The following KDM1B variants were observed in gnomAD, a reference collection of about 807,000 sequenced individuals.
KDM1B encodes lysine-specific histone demethylase 2.
Under a neutral mutation model 107.4 loss-of-function variants are expected in KDM1B, and 63 were observed. The ratio of observed to expected loss-of-function variants is 0.59; its 90% CI spans 0.48 to 0.72. The LOEUF (loss-of-function observed/expected upper bound fraction) is 0.72, where lower values mean the gene tolerates loss of function less well. KDM1B is among the 30% of genes least tolerant of loss of function. The pLI, the probability that KDM1B is intolerant of heterozygous loss-of-function variation, is 0.00. For synonymous variants in KDM1B, 363 were observed against 363.9 expected, an observed-to-expected ratio of 1.00 and a Z score of 0.03; for missense variants, 749 against 1,020.8, an observed-to-expected ratio of 0.73 and a Z score of 3.63.
rs1226085558 is a variant in KDM1B, at chr6:18,204,357, G to A, written c.1532-1180G>A. Among the ~76,000 whole-genome samples the A allele has an allele frequency of 6.6e-6, 1 of 152,030 alleles. No individual in the cohort carries two copies. Among genetic ancestry groups the A allele is most frequent in the South Asian group, 2.1e-4 (1 of 4,824 alleles). ...AAATTAGCTGGGCATAGAGGCGGGCGCCTGTAGTCCCAGCTACTTGGGAGG... is the reference window on the plus strand; with the variant it reads ...AAATTAGCTGGGCATAGAGGCGGGCACCTGTAGTCCCAGCTACTTGGGAGG... On this transcript the variant is annotated intron_variant, in intron 14 of 21. Coordinates refer to ENST00000650836, the MANE Select transcript of KDM1B (RefSeq NM_001364614.2). This position sits in a 1 kb window ranked among gnomAD's most constrained non-coding sequence, Gnocchi z 4.9.
intron 3 of KDM1B, 117 bp downstream of exon 3, chr6:18,160,099 G>A: frequency 1.5e-6 from 1 of 645,536 alleles, no homozygotes; most frequent in Non-Finnish European, 2.6e-6. Flanking sequence ...GTATTCTAGG[G>A]GAGAAATTCT....
Position 18,161,410 on chromosome 6 carries a change from C to G in KDM1B, c.171C>G (p.Gly57=). ...AGTACAGGAAATGTGAAAAGGCAGG[C>G]TGTACGGCAACATGTCCTGTGTGCT... is the stretch of plus-strand genomic sequence containing the variant. ...EKKYRKCEKA[G]CTATCPVCFA... The change falls in exon 4 of 22, where the codon GGC becomes GGG. Residue 57 remains glycine (G), a synonymous_variant. Coordinates refer to ENST00000650836, the MANE Select transcript of KDM1B (RefSeq NM_001364614.2). The G allele has an allele frequency of 6.2e-7, 1 of 1,614,038 alleles. No homozygotes were observed. Among genetic ancestry groups the G allele is most frequent in the Non-Finnish European group, 8.5e-7 (1 of 1,179,990 alleles).
intron 5 of KDM1B, among the ~76,000 whole-genome samples, chr6:18,163,970 T>C (rs72839194): frequency 6.6e-5 from 8 of 120,824 alleles, no homozygotes; most frequent in African/African-American, 2.5e-4. Flanking sequence ...TATATATATA[T>C]ATACACACAC....
chr6:18,196,805 T>A (rs532806940), intron 10 of KDM1B, among the ~76,000 whole-genome samples: 1 of 152,318 alleles, frequency 6.6e-6, no homozygotes, highest in South Asian at 2.1e-4. Flanking sequence ...GCGTAGATTA[T>A]ATGTAAATAT....
At chr6:18,174,713 T>G (rs1785882308) in intron 7 of KDM1B, among the ~76,000 whole-genome samples, 1 of 152,102 alleles carries the variant, frequency 6.6e-6, no homozygotes, top group Non-Finnish European at 1.5e-5. Context: ...CATATGGTGT[T>G]TGGTTTTCCA....
intron 2 of KDM1B, among the ~76,000 whole-genome samples, chr6:18,158,814 A>G (rs1219786062): frequency 6.6e-6 from 1 of 152,134 alleles, no homozygotes; most frequent in Non-Finnish European, 1.5e-5. Context: ...TTCTTAATAT[A>G]TGTTTAACCA....
At position 18,223,354 on chromosome 6, in the gene KDM1B, C is replaced by G. The variant is rs945930877; in HGVS notation, c.*1362C>G. On this transcript the variant is annotated 3_prime_UTR_variant, in exon 22 of 22. Coordinates refer to ENST00000650836, the MANE Select transcript of KDM1B (RefSeq NM_001364614.2). ...CCCCACCGCCCGCCCCCCGCCCCCC[C>G]CAATCAAAGTGTGGTCCCAAAACAA... 2 of 137,324 alleles carry G rather than the reference C, an allele frequency of 1.5e-5. No individual in the cohort carries two copies. Among genetic ancestry groups the G allele is most frequent in the Admixed American group, 7.3e-5 (1 of 13,688 alleles). 8.5% of individuals were successfully genotyped at this position (137,324 alleles called of 1,614,324 possible). A position where few individuals can be genotyped will look rare whatever the true frequency, so the allele number is the denominator to read the frequency against.
chr6:18,198,967 G>T (rs1423175097), intron 12 of KDM1B, among the ~76,000 whole-genome samples: 17 of 126,610 alleles, frequency 1.3e-4, no homozygotes, highest in African/African-American at 5.0e-4. Context: ...TCAGGAGTTT[G>T]AGATCAGCCT....
In KDM1B at chr6:18,214,354, T is replaced by C. The variant is rs892833646; in HGVS notation, c.2109+573T>C. Among the ~76,000 whole-genome samples, 8 of 152,240 alleles carry C rather than the reference T, an allele frequency of 5.3e-5. No homozygotes were observed. The South Asian group carries it at 1.7e-3, about 32-fold the overall frequency. ...ATAGGAGCCGAGGGCAGATTTTCTTTACCATTTGAGGTTTTTTTATTTTTC... is the reference window on the plus strand; with the variant it reads ...ATAGGAGCCGAGGGCAGATTTTCTTCACCATTTGAGGTTTTTTTATTTTTC... On this transcript the variant is annotated intron_variant, in intron 19 of 21. Transcript: ENST00000650836. This position sits in a 1 kb window ranked among gnomAD's most constrained non-coding sequence, Gnocchi z 4.4.
At chr6:18,178,620 T>C (rs569576142) in intron 7 of KDM1B, among the ~76,000 whole-genome samples, 2 of 151,478 alleles carry the variant, frequency 1.3e-5, no homozygotes, top group East Asian at 3.9e-4. Context: ...CTCGAACTCC[T>C]GACCTCGTGA....
intron 17 of KDM1B, among the ~76,000 whole-genome samples, chr6:18,210,531 A>AC (rs1331814591): frequency 6.8e-6 from 1 of 147,206 alleles, no homozygotes. Context: ...CTAATTAAAA[A>AC]TTTTTTTTTT....
Position 18,191,196 on chromosome 6 carries a change from G to T in KDM1B, c.785-1G>T. The T allele has an allele frequency of 1.3e-6, 2 of 1,550,028 alleles. No homozygotes were observed. Among genetic ancestry groups the T allele is most frequent in the Non-Finnish European group, 1.7e-6 (2 of 1,146,766 alleles). The stretch of plus-strand genomic sequence containing the variant: ...AGTTGCCCATTTGTGTTACCTATCA[G>T]TTCCAGGCATGAACCGATACTTCCA... On this transcript the variant is annotated splice_acceptor_variant, in intron 9 of 21. Transcript: ENST00000650836. LOFTEE classifies it high-confidence loss of function. The surrounding 1 kb of genome is among the most constrained non-coding windows in gnomAD (Gnocchi z 5.1).
At chr6:18,170,877 G>T (rs1270946318) in intron 6 of KDM1B, among the ~76,000 whole-genome samples, 1 of 151,502 alleles carries the variant, frequency 6.6e-6, no homozygotes, top group Non-Finnish European at 1.5e-5. Flanking sequence ...CTGGAGTGTA[G>T]TGGTGCGATC....
Position 18,200,660 on chromosome 6 carries a change from A to G in KDM1B, c.1359+84A>G. 1.5e-6 allele frequency: 2 copies of G among 1,299,880 alleles called. No homozygotes were observed. The highest frequency in any genetic ancestry group is 1.6e-5 in the South Asian group (1 of 62,804). 80.5% of individuals were successfully genotyped at this position (1,299,880 alleles called of 1,614,324 possible). A position where few individuals can be genotyped will look rare whatever the true frequency, so the allele number is the denominator to read the frequency against. The stretch of plus-strand genomic sequence containing the variant: ...TTGTGTGCAGTATTAATATGCTTCT[A>G]AAGTAAATTACATATAACAGCCCCC... On this transcript the variant is annotated intron_variant, in intron 13 of 21. Transcript: ENST00000650836. The surrounding 1 kb of genome is among the most constrained non-coding windows in gnomAD (Gnocchi z 4.3).
At chr6:18,157,833 G>A (rs1045785756) in intron 2 of KDM1B, among the ~76,000 whole-genome samples, 6 of 78,018 alleles carry the variant, frequency 7.7e-5, no homozygotes, top group East Asian at 5.3e-4. Context: ...TTTTTTTTGA[G>A]ATGGAGTCTC....
intron 4 of KDM1B, 103 bp downstream of exon 4, chr6:18,161,557 C>T (rs1027396334): frequency 2.4e-6 from 3 of 1,232,908 alleles, no homozygotes; most frequent in Non-Finnish European, 3.4e-6. Flanking sequence ...GATACAGATA[C>T]TATAAGTCAT....
chr6:18,215,023 T>A lies in KDM1B; in HGVS notation c.2126T>A (p.Leu709Gln). The A allele has an allele frequency of 6.2e-7, 1 of 1,614,066 alleles. No individual in the cohort carries two copies. Among genetic ancestry groups the A allele is most frequent in the Non-Finnish European group, 8.5e-7 (1 of 1,179,970 alleles). Residue 709 changes from leucine (L) to glutamine (Q), a missense_variant, in exon 20 of 22, where the codon CTG becomes CAG. Coordinates refer to ENST00000650836, the MANE Select transcript of KDM1B (RefSeq NM_001364614.2). ...TGTCTCCAGAAGAAGCACAGCGTGC[T>A]GATGTCTGTGATTGCCGGGGAGGCT... ...DMDPQKKHSV[L>Q]MSVIAGEAVA...
chr6:18,161,832 A>G (rs1270900729), intron 4 of KDM1B, among the ~76,000 whole-genome samples: 1 of 152,122 alleles, frequency 6.6e-6, no homozygotes, highest in Non-Finnish European at 1.5e-5. Flanking sequence ...TTTCTCTCTC[A>G]TATAACATGC....
intron 7 of KDM1B, among the ~76,000 whole-genome samples, chr6:18,184,878 G>A (rs1786745150): frequency 6.6e-6 from 1 of 150,734 alleles, no homozygotes; most frequent in Admixed American, 6.7e-5. Context: ...TGGAAGTACA[G>A]GCATGCACCA....
Sources: gnomAD v4.1 joint callset for allele counts (sites outside exome capture counted in the v4.1 genomes callset) on GRCh38, gnomAD v4.1.1 for gene constraint, Gnocchi (gnomAD v3.1) non-coding constraint, MANE v1.5 for transcripts, NCBI Gene and HGNC (gene_info 2026-07-23, HGNC 2026-07-21) for gene names.